RWDD2B: variants seen among roughly 807,000 people sequenced by gnomAD.
RWDD2B encodes the protein RWD domain-containing protein 2B.
A neutral mutation model predicts 33.6 loss-of-function variants in RWDD2B; 36 were observed. The observed-to-expected ratio is 1.07, with a 90% confidence interval of 0.82 to 1.42. The LOEUF (loss-of-function observed/expected upper bound fraction) is 1.42, where lower values mean the gene tolerates loss of function less well. Ranked by LOEUF, RWDD2B falls within the 40% of genes most tolerant of loss-of-function variation. The probability of loss-of-function intolerance (pLI) is 0.00; values close to 1 mark genes in which losing one functional copy is unlikely to be tolerated. For synonymous variants in RWDD2B, 126 were observed against 133.1 expected (o/e 0.95, Z 0.37); for missense variants, 364 against 377.5 (o/e 0.96, Z 0.30).
intron 1 of RWDD2B, among the ~76,000 whole-genome samples, chr21:29,017,650 T>G (rs2084896866): frequency 6.6e-6 from 1 of 151,902 alleles, no homozygotes; most frequent in Admixed American, 6.6e-5. Context: ...AGTGAATAAC[T>G]GCTATGAAGA....
chr21:29,018,236 C>T (rs11700764), intron 1 of RWDD2B, among the ~76,000 whole-genome samples: 32,213 of 152,054 alleles, frequency 0.21, 3,843 homozygotes, highest in Non-Finnish European at 0.26. Flanking sequence ...AGAATGACTC[C>T]GGGGCTTTAA....
At chr21:29,014,510 A>G (rs181528553) in intron 1 of RWDD2B, among the ~76,000 whole-genome samples, 251 of 152,322 alleles carry the variant, frequency 1.6e-3, no homozygotes, top group African/African-American at 5.7e-3. Flanking sequence ...AGACCATCTC[A>G]GTCTTAACAG....
chr21:29,012,664 A>G (rs111306919), intron 1 of RWDD2B, among the ~76,000 whole-genome samples: 1 of 151,946 alleles, frequency 6.6e-6, no homozygotes, highest in African/African-American at 2.4e-5. Flanking sequence ...CTGCCTAGGA[A>G]AACCAGAGAC....
At chr21:29,012,428 A>C (rs1020202602) in intron 1 of RWDD2B, among the ~76,000 whole-genome samples, 1 of 152,144 alleles carries the variant, frequency 6.6e-6, no homozygotes, top group Admixed American at 6.5e-5. Flanking sequence ...TTCTGTACTA[A>C]GAAAAATTCT....
At position 29,004,786 on chromosome 21, in the gene RWDD2B, T is replaced by C. The variant is rs1316916609; in HGVS notation, c.*1631A>G. 1.3e-5 allele frequency: 2 copies of C among 152,276 alleles called. No individual in the cohort carries two copies. The highest frequency in any genetic ancestry group is 2.9e-5 in the Non-Finnish European group (2 of 68,050). The allele number at this position is 152,276 out of a possible 1,614,324, so 9.4% of individuals were successfully genotyped here. A position where few individuals can be genotyped will look rare whatever the true frequency, so the allele number is the denominator to read the frequency against. ...TACCATTCTGATTCTCATTTATGTT[T>C]AACCACCTTTATATTTAAGATCTAT... is the stretch of plus-strand genomic sequence containing the variant. On this transcript the variant is annotated 3_prime_UTR_variant, in exon 5 of 5. Transcript: ENST00000493196.
At chr21:29,015,366 G>C (rs1173111530) in intron 1 of RWDD2B, among the ~76,000 whole-genome samples, 2 of 151,382 alleles carry the variant, frequency 1.3e-5, no homozygotes, top group East Asian at 3.9e-4. Context: ...GCGTAGCTGG[G>C]ATTACAGGCG....
At chr21:29,013,627 T>C (rs2084875375) in intron 1 of RWDD2B, among the ~76,000 whole-genome samples, 2 of 146,606 alleles carry the variant, frequency 1.4e-5, no homozygotes, top group Admixed American at 7.0e-5. Flanking sequence ...AGGCGGAGCT[T>C]GCAGTGAGCC....
rs750867295 is a variant in RWDD2B at position 29,007,931 on chromosome 21, G to A, written c.555C>T (p.Leu185=). The A allele has an allele frequency of 6.2e-7, 1 of 1,614,186 alleles. No individual in the cohort carries two copies. Among genetic ancestry groups the A allele is most frequent in the South Asian group, 1.1e-5 (1 of 91,074 alleles). The change falls in exon 4 of 5, where the codon CTC becomes CTT. Residue 185 remains leucine, a synonymous_variant. Transcript: ENST00000493196. The part of the protein sequence containing the change: ...TTGSTVQSVD[L]IFTRLWIYSH... ...TGTAGATCCAGAGTCTCGTGAAGAT[G>A]AGGTCAACTGACTGGACTGTGCTTC...
chr21:29,016,491 C>T (rs1461974635), intron 1 of RWDD2B, among the ~76,000 whole-genome samples: 7 of 152,034 alleles, frequency 4.6e-5, no homozygotes, highest in African/African-American at 1.2e-4. Flanking sequence ...CTCAAACTCC[C>T]GACCTCAGGT....
intron 1 of RWDD2B, among the ~76,000 whole-genome samples, chr21:29,012,184 C>CCG (rs1279946528): frequency 3.0e-5 from 4 of 132,910 alleles, no homozygotes; most frequent in African/African-American, 5.7e-5. Context: ...TCAGCCCCCC[C>CCG]CCGGGAGGTG....
rs1433800410 is a variant in RWDD2B at position 29,004,431 on chromosome 21, T to C, written c.*1986A>G. On this transcript the variant is annotated 3_prime_UTR_variant, in exon 5 of 5. Transcript: ENST00000493196. The stretch of plus-strand genomic sequence containing the variant: ...ACATTTGAGATCTGCATATTATACA[T>C]AGCAATCTGGTTTTTAATATAATGT... 2.0e-5 allele frequency: 3 copies of C among 152,232 alleles called. No homozygotes were observed. Among genetic ancestry groups the C allele is most frequent in the African/African-American group, 7.2e-5 (3 of 41,458 alleles). The allele number at this position is 152,232 out of a possible 1,614,324, so 9.4% of individuals were successfully genotyped here. A position where few individuals can be genotyped will look rare whatever the true frequency, so the allele number is the denominator to read the frequency against.
chr21:29,007,742 T>C lies in RWDD2B; in HGVS notation c.725+19A>G, dbSNP rs2084835456. ...TTAACATTATTGACATGACTTCATA[T>C]ACATATGTAAAAGCAAACCTTGACC... is the stretch of plus-strand genomic sequence containing the variant. On this transcript the variant is annotated intron_variant, in intron 4 of 4. Coordinates refer to ENST00000493196, the MANE Select transcript of RWDD2B (RefSeq NM_016940.3). The C allele has an allele frequency of 1.9e-6, 3 of 1,602,704 alleles. No individual in the cohort carries two copies. The highest frequency in any genetic ancestry group is 2.6e-6 in the Non-Finnish European group (3 of 1,175,548).
intron 4 of RWDD2B, among the ~76,000 whole-genome samples, chr21:29,007,495 T>C (rs1756447857): frequency 6.6e-6 from 1 of 152,240 alleles, no homozygotes; most frequent in Non-Finnish European, 1.5e-5. Context: ...TACACAAACC[T>C]AGATGGTACT....
chr21:29,006,390 G>T lies in RWDD2B; in HGVS notation c.*27C>A. 7.1e-7 allele frequency: 1 copy of T among 1,415,898 alleles called. No homozygotes were observed. The highest frequency in any genetic ancestry group is 9.7e-7 in the Non-Finnish European group (1 of 1,027,748). The allele number at this position is 1,415,898 out of a possible 1,614,324, so 87.7% of individuals were successfully genotyped here. ...AAAAAAAATCAAAAGGCCAACAGTG[G>T]CAAGATACTTTCAACTACTCTTGAT... On this transcript the variant is annotated 3_prime_UTR_variant, in exon 5 of 5. Coordinates refer to ENST00000493196, the MANE Select transcript of RWDD2B (RefSeq NM_016940.3).
chr21:29,013,439 C>T (rs1298599913), intron 1 of RWDD2B, among the ~76,000 whole-genome samples: 1 of 152,026 alleles, frequency 6.6e-6, no homozygotes, highest in Non-Finnish European at 1.5e-5. Context: ...CCTGTAATCC[C>T]AACACTTTGG....
rs1296099874 is a variant in RWDD2B, at chr21:29,019,236, G to GT, written c.41dup (p.Tyr14Ter). ...CTTGAGCCGTGGCCCCCTCACTGCT[G>GT]TAACCCGGGTTCCATGGCTGCATGG... ...ELSMQPWNPG[Y>*]SSEGATAQET... is the part of the protein sequence containing the mutation. Residue 14 changes from tyrosine to a stop codon, truncating the protein, a stop_gained and frameshift_variant, in exon 1 of 5, where the codon TAC (tyrosine) becomes TAAC (stop). Coordinates refer to ENST00000493196, the MANE Select transcript of RWDD2B (RefSeq NM_016940.3). LOFTEE classifies it high-confidence loss of function. 3.1e-6 allele frequency: 5 copies of GT among 1,605,646 alleles called. No individual in the cohort carries two copies. Among genetic ancestry groups the GT allele is most frequent in the Non-Finnish European group, 4.2e-6 (5 of 1,176,908 alleles).
chr21:29,013,838 A>C (rs1356683059), intron 1 of RWDD2B, among the ~76,000 whole-genome samples: 2 of 152,164 alleles, frequency 1.3e-5, no homozygotes, highest in African/African-American at 4.8e-5. Flanking sequence ...AAGATCTTTA[A>C]AATGTTAGCA....
At chr21:29,011,118 C>T (rs1195148838) in intron 1 of RWDD2B, among the ~76,000 whole-genome samples, 1 of 152,090 alleles carries the variant, frequency 6.6e-6, no homozygotes, top group African/African-American at 2.4e-5. Context: ...AGCGTCTCTG[C>T]CCGGCCACCC....
intron 1 of RWDD2B, among the ~76,000 whole-genome samples, chr21:29,016,410 A>G (rs573156489): frequency 8.4e-4 from 128 of 152,208 alleles, no homozygotes; most frequent in Admixed American, 3.5e-3. Context: ...GATTACAGGC[A>G]TGCGCCACCA....
Sources: allele counts gnomAD v4.1 joint callset (sites outside exome capture counted in the v4.1 genomes callset), GRCh38; gene constraint gnomAD v4.1.1; transcripts MANE v1.5; gene names NCBI Gene and HGNC (gene_info 2026-07-23, HGNC 2026-07-21).